Variants in SHROOM3 observed in about 807,000 individuals in gnomAD.
SHROOM3 encodes shroom family member 3.
Under a neutral mutation model 138.6 loss-of-function variants are expected in SHROOM3, and 47 were observed. The observed-to-expected ratio is 0.34, with a 90% CI of 0.27 to 0.43. SHROOM3 has a LOEUF of 0.43. SHROOM3 is among the 20% of genes least tolerant of loss of function. SHROOM3 has a pLI of 1.00. For synonymous variants in SHROOM3, 1,062 were observed against 1,063.3 expected (o/e 1.00, Z 0.02); for missense variants, 2,491 against 2,596.5 (o/e 0.96, Z 0.88).
chr4:76,683,869 A>G (rs929372203), intron 2 of SHROOM3, among the ~76,000 whole-genome samples: 1 of 152,230 alleles, frequency 6.6e-6, no homozygotes, highest in African/African-American at 2.4e-5. Flanking sequence ...CAAAGTCTAT[A>G]GAAGTGTTTA....
chr4:76,656,226 C>A (rs2110090753), intron 2 of SHROOM3, among the ~76,000 whole-genome samples: 1 of 152,286 alleles, frequency 6.6e-6, no homozygotes, highest in African/African-American at 2.4e-5. Flanking sequence ...ATTCCCAAGA[C>A]AAGGCTTGAC....
At chr4:76,611,842 G>A (rs929196755) in intron 2 of SHROOM3, among the ~76,000 whole-genome samples, 3 of 152,154 alleles carry the variant, frequency 2.0e-5, no homozygotes, top group Non-Finnish European at 4.4e-5. Flanking sequence ...AGTTTCTGGC[G>A]AATCATACCT....
At chr4:76,585,249 A>G (rs1486782639) in intron 2 of SHROOM3, among the ~76,000 whole-genome samples, 1 of 152,250 alleles carries the variant, frequency 6.6e-6, no homozygotes, top group Non-Finnish European at 1.5e-5. Flanking sequence ...GTGCCTAAAA[A>G]TAACCTGCAA....
At chr4:76,616,494 G>A (rs2110063970) in intron 2 of SHROOM3, among the ~76,000 whole-genome samples, 1 of 152,198 alleles carries the variant, frequency 6.6e-6, no homozygotes, top group Middle Eastern at 3.4e-3. Flanking sequence ...ATATCATTCA[G>A]CCTTAAAAAA....
At chr4:76,457,869 C>G (rs552430648) in intron 1 of SHROOM3, among the ~76,000 whole-genome samples, 23 of 151,348 alleles carry the variant, frequency 1.5e-4, no homozygotes, top group South Asian at 1.5e-3. Context: ...GATCTCGGCT[C>G]ACTGCAAGCT....
At chr4:76,547,178 C>T (rs1310667029) in intron 1 of SHROOM3, among the ~76,000 whole-genome samples, 1 of 152,156 alleles carries the variant, frequency 6.6e-6, no homozygotes, top group Non-Finnish European at 1.5e-5. Flanking sequence ...GTTTCTTGGG[C>T]ACTTGAAGGA....
At chr4:76,543,472 T>A (rs549577217) in intron 1 of SHROOM3, among the ~76,000 whole-genome samples, 20 of 152,246 alleles carry the variant, frequency 1.3e-4, no homozygotes, top group African/African-American at 4.8e-4. Context: ...CTATCACTGG[T>A]AAGACAATAT....
chr4:76,653,058 T>A (rs1735995781), intron 2 of SHROOM3, among the ~76,000 whole-genome samples: 1 of 152,098 alleles, frequency 6.6e-6, no homozygotes, highest in Admixed American at 6.6e-5. Context: ...AAGCTAGAAC[T>A]GATCTCCCTT....
Position 76,780,766 on chromosome 4 carries a change from A to C in SHROOM3, c.*1589A>C, listed in dbSNP as rs7687163. 6.6e-6 allele frequency: 1 copy of C among 152,226 alleles called. No individual in the cohort carries two copies. Among genetic ancestry groups the C allele is most frequent in the Non-Finnish European group, 1.5e-5 (1 of 68,050 alleles). The allele number at this position is 152,226 out of a possible 1,614,324, so 9.4% of individuals were successfully genotyped here. On this transcript the variant is annotated 3_prime_UTR_variant, in exon 11 of 11. Transcript: ENST00000296043. ...TGGAGCTTATATACTGCATGACTCCATTGATACAAATAAGACAGCACCTTG... is the reference window on the plus strand; with the variant it reads ...TGGAGCTTATATACTGCATGACTCCCTTGATACAAATAAGACAGCACCTTG...
chr4:76,656,766 T>C (rs1429609441), intron 2 of SHROOM3, among the ~76,000 whole-genome samples: 4 of 152,212 alleles, frequency 2.6e-5, no homozygotes, highest in Non-Finnish European at 5.9e-5. Flanking sequence ...AGCTGCATAA[T>C]GGAAACATTA....
intron 1 of SHROOM3, among the ~76,000 whole-genome samples, chr4:76,485,923 A>G (rs1057155106): frequency 6.6e-6 from 1 of 152,234 alleles, no homozygotes; most frequent in African/African-American, 2.4e-5. Flanking sequence ...ACTCATCTGC[A>G]TAGATCCTAA....
At position 76,710,063 on chromosome 4, in the gene SHROOM3, G is replaced by A. The variant is rs141460234; in HGVS notation, c.324-93G>A. The A allele has an allele frequency of 4.4e-4, 688 of 1,581,106 alleles. 2 individuals are homozygous for A. The highest frequency in any genetic ancestry group is 1.2e-3 in the Middle Eastern group (7 of 5,976). On this transcript the variant is annotated intron_variant, in intron 2 of 10. Coordinates refer to ENST00000296043, the MANE Select transcript of SHROOM3 (RefSeq NM_020859.4). ...CTGCTTTGCTCTGGCTCCGGGGTTC[G>A]TTTTCATGTGCTTTTTCGGTTTTTA...
chr4:76,544,597 A>G (rs1366726924), intron 1 of SHROOM3, among the ~76,000 whole-genome samples: 1 of 151,774 alleles, frequency 6.6e-6, no homozygotes, highest in Non-Finnish European at 1.5e-5. Flanking sequence ...GGGTTTCGCC[A>G]TGTTGGCCAG....
intron 2 of SHROOM3, among the ~76,000 whole-genome samples, chr4:76,619,760 C>A (rs957117612): frequency 6.6e-6 from 1 of 152,052 alleles, no homozygotes; most frequent in African/African-American, 2.4e-5. Context: ...ACCCAGAGGG[C>A]TTTAAGAAAC....
chr4:76,496,177 G>A (rs1312036667), intron 1 of SHROOM3, among the ~76,000 whole-genome samples: 1 of 152,230 alleles, frequency 6.6e-6, no homozygotes, highest in African/African-American at 2.4e-5. Context: ...CACAGCACAG[G>A]TGTGTGAGTG....
intron 2 of SHROOM3, among the ~76,000 whole-genome samples, chr4:76,684,734 T>C (rs1217494236): frequency 6.6e-6 from 1 of 152,188 alleles, no homozygotes; most frequent in Non-Finnish European, 1.5e-5. Context: ...CAGTATCAAC[T>C]CAGAGGATCT....
chr4:76,498,447 G>A (rs1033859890), intron 1 of SHROOM3, among the ~76,000 whole-genome samples: 10 of 152,070 alleles, frequency 6.6e-5, no homozygotes, highest in Admixed American at 2.6e-4. Flanking sequence ...GATGATGATA[G>A]GAGGAGGAGA....
intron 3 of SHROOM3, among the ~76,000 whole-genome samples, chr4:76,730,232 GA>G (rs1720833158): frequency 1.3e-5 from 2 of 152,218 alleles, no homozygotes; most frequent in Admixed American, 1.3e-4. Flanking sequence ...AGAAATTTCA[GA>G]GGGCATTTTG....
chr4:76,552,074 G>A lies in SHROOM3; in HGVS notation c.169-3535G>A, dbSNP rs1034306178. Among the ~76,000 whole-genome samples, 12 of 145,722 alleles carry A rather than the reference G, an allele frequency of 8.2e-5. 1 individual carries two copies. The highest frequency in any genetic ancestry group is 4.0e-4 in the East Asian group (2 of 4,962). ...GACGGGGTTTCACCGTGTTAGCCAG[G>A]ATGGACTCGATCTCCTGACCTTGTG... On this transcript the variant is annotated intron_variant, in intron 1 of 10. Coordinates refer to ENST00000296043, the MANE Select transcript of SHROOM3 (RefSeq NM_020859.4).
Sources: gnomAD v4.1 joint callset for allele counts (sites outside exome capture counted in the v4.1 genomes callset) on GRCh38, gnomAD v4.1.1 for gene constraint, MANE v1.5 for transcripts, NCBI Gene and HGNC (gene_info 2026-07-23, HGNC 2026-07-21) for gene names.